The following DAAM2 variants were observed in gnomAD, a reference collection of about 807,000 sequenced individuals.
DAAM2 encodes dishevelled associated activator of morphogenesis 2.
Under a neutral mutation model 120.7 loss-of-function variants are expected in DAAM2, and 39 were observed. The observed-to-expected ratio is 0.32, with a 90% CI of 0.25 to 0.42. The LOEUF is 0.42. DAAM2 is among the 10% of genes least tolerant of loss of function. The probability of loss-of-function intolerance (pLI) is 1.00; values close to 1 mark genes in which losing one functional copy is unlikely to be tolerated. For missense variants in DAAM2, 1,283 were observed against 1,401.7 expected (o/e 0.92, Z 1.35); for synonymous variants, 488 against 524.9 (o/e 0.93, Z 0.96).
At chr6:39,851,259 CTTTAGAGTCAGA>C (rs932457294) in intron 1 of DAAM2, among the ~76,000 whole-genome samples, 2 of 152,202 alleles carry the variant, frequency 1.3e-5, no homozygotes, top group African/African-American at 4.8e-5. Context: ...TGGCTTACTG[CTTTAGAGTCAGA>C]CAGTCCTGGG....
intron 1 of DAAM2, among the ~76,000 whole-genome samples, chr6:39,848,351 T>C (rs978424343): frequency 6.6e-6 from 1 of 152,158 alleles, no homozygotes; most frequent in Admixed American, 6.5e-5. Context: ...AATGAATGAA[T>C]GAATATTTGA....
At position 39,888,940 on chromosome 6, in the gene DAAM2, G is replaced by C. The variant is rs1379318677; in HGVS notation, c.2145+177G>C. The C allele has an allele frequency of 3.3e-5, 14 of 417,928 alleles. No individual in the cohort carries two copies. In the East Asian group the frequency reaches 4.8e-4, roughly 14 times the overall value. 25.9% of individuals were successfully genotyped at this position (417,928 alleles called of 1,614,324 possible). A position where few individuals can be genotyped will look rare whatever the true frequency, so the allele number is the denominator to read the frequency against. Reference sequence around the variant, plus strand: ...CCTTTCTTGGGGAAAGCTGGAAAAGGCTAAGTGTTCTCCAGGAGTCATTCT... The same window carrying C: ...CCTTTCTTGGGGAAAGCTGGAAAAGCCTAAGTGTTCTCCAGGAGTCATTCT... On this transcript the variant is annotated intron_variant, in intron 17 of 24. Transcript: ENST00000274867.
chr6:39,835,189 A>C (rs1763057710), intron 1 of DAAM2, among the ~76,000 whole-genome samples: 1 of 152,236 alleles, frequency 6.6e-6, no homozygotes, highest in African/African-American at 2.4e-5. Context: ...ATAGTCATTA[A>C]GCTAAGATGC....
chr6:39,849,621 TC>T (rs1763731444), intron 1 of DAAM2, among the ~76,000 whole-genome samples: 1 of 152,198 alleles, frequency 6.6e-6, no homozygotes, highest in Admixed American at 6.5e-5. Flanking sequence ...TGAACAGAAT[TC>T]AACTGAGTGT....
intron 21 of DAAM2, among the ~76,000 whole-genome samples, chr6:39,898,379 A>G (rs1394851221): frequency 1.3e-5 from 2 of 152,202 alleles, no homozygotes; most frequent in African/African-American, 2.4e-5. Flanking sequence ...CATGCCCTAC[A>G]ATGGATGGTC....
intron 9 of DAAM2, among the ~76,000 whole-genome samples, chr6:39,872,466 C>T (rs1309706411): frequency 6.6e-6 from 1 of 152,148 alleles, no homozygotes; most frequent in Non-Finnish European, 1.5e-5. Flanking sequence ...CTGACTTTCC[C>T]CTGCCTTCCA....
At position 39,902,055 on chromosome 6, in the gene DAAM2, A is replaced by C; in HGVS notation, c.*18A>C. On this transcript the variant is annotated 3_prime_UTR_variant, in exon 25 of 25. Coordinates refer to ENST00000274867, the MANE Select transcript of DAAM2 (RefSeq NM_001201427.2). ...ATTATTGACCTGGGGAACTAGCCAC[A>C]CAGGAGGCCGGGAGACAGGGACTGG... 5.1e-6 allele frequency: 8 copies of C among 1,582,254 alleles called. No individual in the cohort carries two copies. The highest frequency in any genetic ancestry group is 6.9e-6 in the Non-Finnish European group (8 of 1,158,394).
rs192352327 is a variant in DAAM2 at position 39,878,488 on chromosome 6, C to T, written c.1445C>T (p.Thr482Met). Residue 482 changes from threonine (T) to methionine (M), a missense_variant, in exon 13 of 25, where the codon ACG becomes ATG. Transcript: ENST00000274867. This position sits in a 1 kb window ranked among gnomAD's most constrained non-coding sequence, Gnocchi z 5.0. ...TTGGAGAAGGAAGAGATGATGCGGA[C>T]GCTGAACAAAATGAAGGACAAGCTG... Reference protein sequence around the residue: ...KTLEKEEMMRTLNKMKDKLAR... With the variant: ...KTLEKEEMMRMLNKMKDKLAR... The T allele has an allele frequency of 2.8e-5, 45 of 1,610,706 alleles. No individual in the cohort carries two copies. The highest frequency in any genetic ancestry group is 2.7e-4 in the East Asian group (12 of 44,756).
intron 1 of DAAM2, among the ~76,000 whole-genome samples, chr6:39,814,353 T>G (rs1762249417): frequency 6.6e-6 from 1 of 152,066 alleles, no homozygotes; most frequent in African/African-American, 2.4e-5. Context: ...ACCTCCCAGC[T>G]CCTATGTGAG....
chr6:39,900,047 T>TCTA lies in DAAM2; in HGVS notation c.2680-29_2680-27dup, dbSNP rs1385852611. On this transcript the variant is annotated intron_variant, in intron 22 of 24. Coordinates refer to ENST00000274867, the MANE Select transcript of DAAM2 (RefSeq NM_001201427.2). Reference sequence around the variant, plus strand: ...CACCCGACTCTCATCTTGGCACCAGTCTAAGCAGCACTTCACCCTCCCTCC... The same window carrying TCTA: ...CACCCGACTCTCATCTTGGCACCAGTCTACTAAGCAGCACTTCACCCTCCCTCC... 3 of 1,592,958 alleles carry TCTA rather than the reference T, an allele frequency of 1.9e-6. No homozygotes were observed. In the African/African-American group the frequency reaches 4.0e-5, roughly 21 times the overall value.
chr6:39,857,871 C>T (rs1294923830), intron 2 of DAAM2, among the ~76,000 whole-genome samples: 1 of 151,964 alleles, frequency 6.6e-6, no homozygotes, highest in Non-Finnish European at 1.5e-5. Flanking sequence ...ACCTCCCCTG[C>T]CTCCAAGAAT....
At position 39,879,293 on chromosome 6, in the gene DAAM2, C is replaced by CA; in HGVS notation, c.1661_1662insA (p.Pro555SerfsTer36). The CA allele has an allele frequency of 1.4e-6, 2 of 1,472,556 alleles. No individual in the cohort carries two copies. The highest frequency in any genetic ancestry group is 1.9e-6 in the Non-Finnish European group (2 of 1,072,152). 91.2% of individuals were successfully genotyped at this position (1,472,556 alleles called of 1,614,324 possible). ...CCTCTGCCCTTTGCCTGTTGTCCCCCTCCCCCACCACCACCCCTTCCTCCC... is the reference window on the plus strand; with the variant it reads ...CCTCTGCCCTTTGCCTGTTGTCCCCCATCCCCCACCACCACCCCTTCCTCCC... On this transcript the variant is annotated frameshift_variant, in exon 14 of 25. Coordinates refer to ENST00000274867, the MANE Select transcript of DAAM2 (RefSeq NM_001201427.2). LOFTEE classifies it high-confidence loss of function.
chr6:39,878,451 G>A lies in DAAM2; in HGVS notation c.1408G>A (p.Glu470Lys), dbSNP rs376962522. ...TCTGGAGAGGAAGGAGCGGGAATGCGAGACAAAGACATTGGAGAAGGAAGA... is the reference window on the plus strand; with the variant it reads ...TCTGGAGAGGAAGGAGCGGGAATGCAAGACAAAGACATTGGAGAAGGAAGA... ...SRLERKEREC[E>K]TKTLEKEEMM... The change falls in exon 13 of 25, where the codon GAG becomes AAG. Residue 470 changes from glutamate to lysine, a missense_variant. Glu to Lys is a moderately conservative substitution (Grantham distance 56). Coordinates refer to ENST00000274867, the MANE Select transcript of DAAM2 (RefSeq NM_001201427.2). The surrounding 1 kb of genome is among the most constrained non-coding windows in gnomAD (Gnocchi z 5.0). 8.1e-6 allele frequency: 13 copies of A among 1,611,738 alleles called. No homozygotes were observed. Among genetic ancestry groups the A allele is most frequent in the Admixed American group, 3.3e-5 (2 of 59,724 alleles).
intron 1 of DAAM2, among the ~76,000 whole-genome samples, chr6:39,823,955 C>G (rs576726247): frequency 1.3e-5 from 2 of 152,240 alleles, no homozygotes; most frequent in African/African-American, 4.8e-5. Flanking sequence ...TCCATTGTAT[C>G]TCCACTCTCT....
rs377619363 is a variant in DAAM2, at chr6:39,868,889, A to G, written c.829A>G (p.Ile277Val). 1 of 1,588,600 alleles carries G rather than the reference A, an allele frequency of 6.3e-7. No homozygotes were observed. The highest frequency in any genetic ancestry group is 8.6e-7 in the Non-Finnish European group (1 of 1,167,426). The change falls in exon 7 of 25, where the codon ATC becomes GTC. Residue 277 changes from isoleucine to valine, a missense_variant. Physicochemically the swap from Ile to Val is conservative, Grantham distance 29. Around this residue, in one of 3 missense-constraint regions of DAAM2, gnomAD observed 338 missense variants for 443.9 expected, o/e 0.76. Coordinates refer to ENST00000274867, the MANE Select transcript of DAAM2 (RefSeq NM_001201427.2). ...YRDEVNLKTA[I>V]MSFINAVLNA... ...GGATGAAGTGAATCTGAAAACAGCC[A>G]TCATGTCCTTCATCAATGCTGTCCT...
chr6:39,873,553 T>G (rs1201694714), intron 10 of DAAM2, among the ~76,000 whole-genome samples, 198 bp downstream of exon 10: 3 of 152,224 alleles, frequency 2.0e-5, no homozygotes, highest in Non-Finnish European at 2.9e-5. Context: ...CACTGTCATC[T>G]GGGGAAGGAG....
rs935155208 is a variant in DAAM2 at position 39,903,132 on chromosome 6, C to T, written c.*1095C>T. On this transcript the variant is annotated 3_prime_UTR_variant, in exon 25 of 25. Transcript: ENST00000274867. ...CCACTTGGAACCATGTGTCCACTGGCGTTGGGGAGTTGGTTCCTGAGAGGT... is the reference window on the plus strand; with the variant it reads ...CCACTTGGAACCATGTGTCCACTGGTGTTGGGGAGTTGGTTCCTGAGAGGT... 2.0e-5 allele frequency: 3 copies of T among 152,388 alleles called. No individual in the cohort carries two copies. Among genetic ancestry groups the T allele is most frequent in the East Asian group, 1.9e-4 (1 of 5,184 alleles). 9.4% of individuals were successfully genotyped at this position (152,388 alleles called of 1,614,324 possible). A position where few individuals can be genotyped will look rare whatever the true frequency, so the allele number is the denominator to read the frequency against.
At chr6:39,869,572 A>G (rs1344548980) in intron 7 of DAAM2, among the ~76,000 whole-genome samples, 1 of 152,106 alleles carries the variant, frequency 6.6e-6, no homozygotes, top group East Asian at 1.9e-4. Flanking sequence ...CCTAGGGGAC[A>G]AGAGCAAAAC....
rs149510472 is a variant in DAAM2 at position 39,829,420 on chromosome 6, C to T, written c.-56-26827C>T. 9.2e-5 allele frequency among the ~76,000 whole-genome samples: 14 copies of T among 152,262 alleles called. No individual in the cohort carries two copies. The East Asian group carries it at 1.7e-3, about 19-fold the overall frequency. On this transcript the variant is annotated intron_variant, in intron 1 of 24. Coordinates refer to ENST00000274867, the MANE Select transcript of DAAM2 (RefSeq NM_001201427.2). ...AAAGGAGTGTGACTGTGGTGACCATCGATGGGGAGGCTGGCAGCACTCAGG... is the reference window on the plus strand; with the variant it reads ...AAAGGAGTGTGACTGTGGTGACCATTGATGGGGAGGCTGGCAGCACTCAGG...
Sources: allele counts gnomAD v4.1 joint callset (sites outside exome capture counted in the v4.1 genomes callset), GRCh38; gene constraint gnomAD v4.1.1; regional missense constraint gnomAD v4.1.1; non-coding constraint Gnocchi (gnomAD v3.1); transcripts MANE v1.5; gene names NCBI Gene and HGNC (gene_info 2026-07-23, HGNC 2026-07-21).